Variants in ADARB2 observed in about 807,000 individuals in gnomAD.
ADARB2 encodes inactive double-stranded RNA-specific editase B2.
ADARB2 carries 25 observed loss-of-function variants against 62.2 expected under a neutral mutation model. That is an observed-to-expected ratio of 0.40 (90% CI 0.29 to 0.56). The LOEUF is 0.56. Ranked by LOEUF, ADARB2 falls within the 20% of genes least tolerant of loss-of-function variation. ADARB2 has a pLI of 0.43. For synonymous variants in ADARB2, 572 were observed against 500.8 expected (o/e 1.14, Z -1.90); for missense variants, 1,071 against 1,077.4 (o/e 0.99, Z 0.08).
At chr10:1,723,623 G>A (rs1447385214) in intron 1 of ADARB2, among the ~76,000 whole-genome samples, 2 of 152,160 alleles carry the variant, frequency 1.3e-5, no homozygotes, top group East Asian at 1.9e-4. Flanking sequence ...AGAACGGTCC[G>A]CTTGCCACCT....
At chr10:1,463,736 T>G (rs1353532713) in intron 1 of ADARB2, among the ~76,000 whole-genome samples, 1 of 151,940 alleles carries the variant, frequency 6.6e-6, no homozygotes, top group Non-Finnish European at 1.5e-5. Context: ...GCACTAAGAA[T>G]GAAAAGAGAA....
chr10:1,291,825 G>A (rs1040980149), intron 3 of ADARB2: 15 of 152,474 alleles, frequency 9.8e-5, no homozygotes, highest in African/African-American at 3.4e-4. Context: ...TGTCTGGAGG[G>A]CCTAGAGAAA....
chr10:1,482,493 CA>C (rs1179707593), intron 1 of ADARB2, among the ~76,000 whole-genome samples: 1 of 152,078 alleles, frequency 6.6e-6, no homozygotes, highest in East Asian at 1.9e-4. Flanking sequence ...TCGTAGAGAC[CA>C]AAAGCAAAAT....
At chr10:1,530,403 G>A (rs918758021) in intron 1 of ADARB2, among the ~76,000 whole-genome samples, 4 of 152,144 alleles carry the variant, frequency 2.6e-5, no homozygotes, top group Non-Finnish European at 5.9e-5. Context: ...CCCAGCACCC[G>A]GGCCACAGTC....
intron 1 of ADARB2, among the ~76,000 whole-genome samples, chr10:1,726,167 T>C (rs905874571): frequency 6.6e-6 from 1 of 152,214 alleles, no homozygotes; most frequent in African/African-American, 2.4e-5. Flanking sequence ...AAGTAGCACA[T>C]ATGACAGAAT....
chr10:1,719,039 C>A (rs1477000543), intron 1 of ADARB2, among the ~76,000 whole-genome samples: 1 of 152,068 alleles, frequency 6.6e-6, no homozygotes, highest in African/African-American at 2.4e-5. Flanking sequence ...CAGCTCGCTG[C>A]AACCTCTGCC....
chr10:1,533,490 G>A (rs1030048689), intron 1 of ADARB2, among the ~76,000 whole-genome samples: 9 of 151,982 alleles, frequency 5.9e-5, no homozygotes, highest in African/African-American at 1.9e-4. Flanking sequence ...GCATTGCCAC[G>A]TGCGAGTCCC....
At chr10:1,216,650 CTG>C in intron 7 of ADARB2, 1 of 428,440 alleles carries the variant, frequency 2.3e-6, no homozygotes, top group Non-Finnish European at 4.2e-6. Flanking sequence ...TCAGGCCAGG[CTG>C]TGTTTGCCCC....
At position 1,505,523 on chromosome 10, in the gene ADARB2, G is replaced by A. The variant is rs377155536; in HGVS notation, c.101-126363C>T. Among the ~76,000 whole-genome samples the A allele has an allele frequency of 1.1e-4, 16 of 152,240 alleles. No homozygotes were observed. The South Asian group carries it at 2.7e-3, about 26-fold the overall frequency. On this transcript the variant is annotated intron_variant, in intron 1 of 9. Transcript: ENST00000381312. Reference sequence around the variant, plus strand: ...CTCACATCCACACACATCTTCCCTCGGAAAACACTCGTTCTGCCTGAATTG... The same window carrying A: ...CTCACATCCACACACATCTTCCCTCAGAAAACACTCGTTCTGCCTGAATTG...
chr10:1,638,235 C>A (rs971585686), intron 1 of ADARB2, among the ~76,000 whole-genome samples: 1 of 152,170 alleles, frequency 6.6e-6, no homozygotes, highest in African/African-American at 2.4e-5. Flanking sequence ...GAAGTAGTCT[C>A]AAAATGTCAT....
At chr10:1,563,724 C>A (rs1370950030) in intron 1 of ADARB2, among the ~76,000 whole-genome samples, 5 of 149,898 alleles carry the variant, frequency 3.3e-5, no homozygotes, top group African/African-American at 2.5e-5. Flanking sequence ...TGGTGCACTG[C>A]ACCCACTAAC....
chr10:1,441,998 G>T (rs79026649), intron 1 of ADARB2, among the ~76,000 whole-genome samples: 3,057 of 152,254 alleles, frequency 0.02, 82 homozygotes, highest in African/African-American at 0.061. Context: ...ACAAAATTCA[G>T]TTTCAGTCTG....
At chr10:1,639,609 C>T (rs1307769166) in intron 1 of ADARB2, among the ~76,000 whole-genome samples, 1 of 152,174 alleles carries the variant, frequency 6.6e-6, no homozygotes, top group Non-Finnish European at 1.5e-5. Context: ...CTTTGGGAGG[C>T]CAAGGCGAGA....
intron 3 of ADARB2, among the ~76,000 whole-genome samples, chr10:1,299,662 G>A (rs1252834318): frequency 1.3e-5 from 2 of 152,174 alleles, no homozygotes; most frequent in African/African-American, 4.8e-5. Context: ...TGGTGCAGCA[G>A]CTTTCTGTAG....
chr10:1,590,462 G>A (rs1833236830), intron 1 of ADARB2, among the ~76,000 whole-genome samples: 1 of 152,114 alleles, frequency 6.6e-6, no homozygotes, highest in South Asian at 2.1e-4. Context: ...TAAATAAAAA[G>A]TGGAAAACAC....
intron 1 of ADARB2, among the ~76,000 whole-genome samples, chr10:1,514,842 C>G (rs1005338032): frequency 1.3e-5 from 2 of 152,108 alleles, no homozygotes; most frequent in African/African-American, 4.8e-5. Context: ...GAAAATTATG[C>G]AATTTGGCCA....
chr10:1,683,915 C>T (rs1291747376), intron 1 of ADARB2, among the ~76,000 whole-genome samples: 1 of 152,166 alleles, frequency 6.6e-6, no homozygotes, highest in Non-Finnish European at 1.5e-5. Flanking sequence ...GAGACTGCAC[C>T]GAAAGGTGCC....
At chr10:1,229,830 G>C (rs1488053256) in intron 6 of ADARB2, among the ~76,000 whole-genome samples, 1 of 149,802 alleles carries the variant, frequency 6.7e-6, no homozygotes, top group Non-Finnish European at 1.5e-5. Context: ...GTATGTTTTT[G>C]TGCACATGTG....
At chr10:1,231,528 G>A (rs1186571970) in intron 6 of ADARB2, among the ~76,000 whole-genome samples, 1 of 152,062 alleles carries the variant, frequency 6.6e-6, no homozygotes, top group African/African-American at 2.4e-5. Context: ...GGGCCACACT[G>A]GGCTCCCTTC....
Sources: gnomAD v4.1 joint callset for allele counts (sites outside exome capture counted in the v4.1 genomes callset) on GRCh38, gnomAD v4.1.1 for gene constraint, MANE v1.5 for transcripts, NCBI Gene and HGNC (gene_info 2026-07-23, HGNC 2026-07-21) for gene names.